RUNDC3B: variants seen among roughly 807,000 people sequenced by gnomAD.
RUNDC3B encodes the protein RUN domain-containing protein 3B.
In RUNDC3B, 33 loss-of-function variants were observed where a neutral mutation model predicts 58.4. That is an observed-to-expected ratio of 0.56 (90% CI 0.43 to 0.75). RUNDC3B has a LOEUF of 0.75. Among genes scored for constraint, RUNDC3B ranks in the 30% least tolerant of loss-of-function variants. The pLI is 0.00. For missense variants in RUNDC3B, 501 were observed against 535.7 expected (o/e 0.94, Z 0.64); for synonymous variants, 193 against 195.2 (o/e 0.99, Z 0.10).
At chr7:87,697,039 A>G (rs1828552424) in intron 2 of RUNDC3B, among the ~76,000 whole-genome samples, 1 of 152,148 alleles carries the variant, frequency 6.6e-6, no homozygotes, top group African/African-American at 2.4e-5. Context: ...CCTACAAGTT[A>G]TTTTCTTCAG....
At chr7:87,643,692 T>A (rs1432400222) in intron 1 of RUNDC3B, among the ~76,000 whole-genome samples, 1 of 151,260 alleles carries the variant, frequency 6.6e-6, no homozygotes, top group Non-Finnish European at 1.5e-5. Flanking sequence ...AGCTGATTTT[T>A]TTTTTTTGTA....
chr7:87,670,968 T>A (rs1825770230), intron 2 of RUNDC3B, among the ~76,000 whole-genome samples: 1 of 151,854 alleles, frequency 6.6e-6, no homozygotes, highest in Non-Finnish European at 1.5e-5. Context: ...TTTGGGGCGA[T>A]CTCAGTGTTT....
chr7:87,814,802 C>A (rs935666946), intron 9 of RUNDC3B, among the ~76,000 whole-genome samples: 10 of 152,006 alleles, frequency 6.6e-5, no homozygotes, highest in African/African-American at 2.4e-4. Flanking sequence ...ATTTAAAAGT[C>A]ATCAAATTAT....
intron 1 of RUNDC3B, among the ~76,000 whole-genome samples, chr7:87,641,439 T>G (rs1412901503): frequency 6.6e-6 from 1 of 152,196 alleles, no homozygotes; most frequent in Non-Finnish European, 1.5e-5. Context: ...TGGTTAGTCT[T>G]GAACAACCTA....
chr7:87,728,948 TCC>T (rs746931288), intron 4 of RUNDC3B, among the ~76,000 whole-genome samples: 5 of 152,180 alleles, frequency 3.3e-5, no homozygotes, highest in Non-Finnish European at 5.9e-5. Flanking sequence ...TCCTTTTGAC[TCC>T]TTTAATTTTT....
intron 8 of RUNDC3B, among the ~76,000 whole-genome samples, chr7:87,792,790 T>C (rs917851311): frequency 6.6e-6 from 1 of 151,742 alleles, no homozygotes; most frequent in African/African-American, 2.4e-5. Flanking sequence ...TAATGATGCA[T>C]CTTAAAGAAC....
intron 10 of RUNDC3B, among the ~76,000 whole-genome samples, chr7:87,827,974 C>G (rs897923409): frequency 6.6e-6 from 1 of 152,030 alleles, no homozygotes; most frequent in African/African-American, 2.4e-5. Context: ...GCAACACAGA[C>G]CCTATCTCAA....
intron 10 of RUNDC3B, among the ~76,000 whole-genome samples, chr7:87,827,631 A>G (rs1390447191): frequency 2.0e-5 from 3 of 152,228 alleles, no homozygotes; most frequent in African/African-American, 7.2e-5. Context: ...ACAGGATTAT[A>G]CAACAAATAA....
chr7:87,821,811 A>G (rs1004701441), intron 10 of RUNDC3B, among the ~76,000 whole-genome samples: 2 of 152,226 alleles, frequency 1.3e-5, no homozygotes, highest in African/African-American at 2.4e-5. Context: ...TATTTAATAA[A>G]TGGTGCTGGG....
chr7:87,685,996 C>A lies in RUNDC3B; in HGVS notation c.239-14425C>A, dbSNP rs117017813. Reference sequence around the variant, plus strand: ...CCCAAGGAATACTCCTTTACCATCACCCCTCCATATTTTTCTTGGCCAAGT... The same window carrying A: ...CCCAAGGAATACTCCTTTACCATCAACCCTCCATATTTTTCTTGGCCAAGT... On this transcript the variant is annotated intron_variant, in intron 2 of 10. Transcript: ENST00000394654. Among the ~76,000 whole-genome samples the A allele has an allele frequency of 7.0e-3, 1,064 of 152,168 alleles. 9 individuals are homozygous for A. The highest frequency in any genetic ancestry group is 0.049 in the East Asian group (256 of 5,176).
chr7:87,800,315 G>A (rs1018729698), intron 8 of RUNDC3B, among the ~76,000 whole-genome samples: 4 of 152,146 alleles, frequency 2.6e-5, no homozygotes, highest in Non-Finnish European at 4.4e-5. Flanking sequence ...TTGAATTGGC[G>A]AAGTATTACT....
intron 8 of RUNDC3B, among the ~76,000 whole-genome samples, chr7:87,786,846 T>C (rs1835249872): frequency 1.3e-5 from 2 of 152,166 alleles, no homozygotes; most frequent in Admixed American, 1.3e-4. Context: ...TATTTCTGGA[T>C]GTAGGAGTGC....
chr7:87,723,264 G>C (rs375723583), intron 4 of RUNDC3B, among the ~76,000 whole-genome samples: 1 of 151,976 alleles, frequency 6.6e-6, no homozygotes, highest in African/African-American at 2.4e-5. Flanking sequence ...CAGAAGAAGG[G>C]ATATATAATC....
intron 8 of RUNDC3B, among the ~76,000 whole-genome samples, chr7:87,781,191 G>A (rs1308166341): frequency 6.6e-6 from 1 of 152,086 alleles, no homozygotes; most frequent in Non-Finnish European, 1.5e-5. Flanking sequence ...TCTCCTTGTA[G>A]AGATCTTTCA....
intron 2 of RUNDC3B, among the ~76,000 whole-genome samples, chr7:87,685,408 A>C (rs1827357172): frequency 6.6e-6 from 1 of 152,196 alleles, no homozygotes; most frequent in Admixed American, 6.5e-5. Context: ...ACCTTTATCA[A>C]GCTCTTTTGT....
Position 87,704,816 on chromosome 7 carries a change from A to C in RUNDC3B, c.372+4262A>C, listed in dbSNP as rs193268516. 4.6e-5 allele frequency among the ~76,000 whole-genome samples: 7 copies of C among 152,340 alleles called. No individual in the cohort carries two copies. In the East Asian group the frequency reaches 1.3e-3, roughly 29 times the overall value. On this transcript the variant is annotated intron_variant, in intron 3 of 10. Coordinates refer to ENST00000394654, the MANE Select transcript of RUNDC3B (RefSeq NM_001134405.2). ...TACCTCTCTTTATTCATTGCAATGA[A>C]AAGAGCAGTTTACTTAATCTACTCA...
intron 8 of RUNDC3B, among the ~76,000 whole-genome samples, chr7:87,800,969 A>T (rs1836116443): frequency 6.6e-6 from 1 of 152,178 alleles, no homozygotes; most frequent in Non-Finnish European, 1.5e-5. Context: ...CACCTTATAC[A>T]CATAAGTCTG....
intron 9 of RUNDC3B, among the ~76,000 whole-genome samples, chr7:87,811,424 C>G (rs901662161): frequency 6.6e-6 from 1 of 151,910 alleles, no homozygotes; most frequent in Admixed American, 6.6e-5. Context: ...ACCTTTGCCT[C>G]CCGGGTTGAA....
intron 1 of RUNDC3B, among the ~76,000 whole-genome samples, chr7:87,646,711 A>G (rs764149861): frequency 7.2e-5 from 11 of 152,130 alleles, no homozygotes; most frequent in Non-Finnish European, 1.3e-4. Context: ...TACACACTGT[A>G]CTTATTATTT....
Sources: allele counts gnomAD v4.1 joint callset (sites outside exome capture counted in the v4.1 genomes callset), GRCh38; gene constraint gnomAD v4.1.1; transcripts MANE v1.5; gene names NCBI Gene and HGNC (gene_info 2026-07-23, HGNC 2026-07-21).